Variants in CBLB observed in about 807,000 individuals in gnomAD.
CBLB encodes E3 ubiquitin-protein ligase CBL-B.
CBLB carries 31 observed loss-of-function variants against 104.9 expected under a neutral mutation model. The ratio of observed to expected loss-of-function variants is 0.30; its 90% CI spans 0.22 to 0.40. CBLB has a LOEUF of 0.40. Ranked by LOEUF, CBLB falls within the 10% of genes least tolerant of loss-of-function variation. The pLI, the probability that CBLB is intolerant of heterozygous loss-of-function variation, is 1.00. For synonymous variants in CBLB, 440 were observed against 422.6 expected (o/e 1.04, Z -0.51); for missense variants, 1,062 against 1,214.6 (o/e 0.87, Z 1.87).
chr3:105,664,100 T>G (rs548303347), intron 18 of CBLB, among the ~76,000 whole-genome samples: 1 of 152,278 alleles, frequency 6.6e-6, no homozygotes, highest in African/African-American at 2.4e-5. Context: ...TGGGTTTTCT[T>G]TTTCTATATT....
chr3:105,790,516 G>T (rs1419535202), intron 3 of CBLB, among the ~76,000 whole-genome samples: 6 of 152,064 alleles, frequency 3.9e-5, no homozygotes, highest in Non-Finnish European at 5.9e-5. Context: ...CTTTTTTGAG[G>T]ACCTGCTAAA....
At chr3:105,712,423 A>G (rs1382550960) in intron 10 of CBLB, among the ~76,000 whole-genome samples, 1 of 152,180 alleles carries the variant, frequency 6.6e-6, no homozygotes, top group African/African-American at 2.4e-5. Context: ...CATATAATTC[A>G]GAAATATTTC....
At chr3:105,822,518 T>A (rs916617187) in intron 3 of CBLB, among the ~76,000 whole-genome samples, 1 of 152,206 alleles carries the variant, frequency 6.6e-6, no homozygotes, top group Non-Finnish European at 1.5e-5. Context: ...TTACATTTGC[T>A]GGGAGGTTAT....
At chr3:105,800,157 C>T (rs939960095) in intron 3 of CBLB, among the ~76,000 whole-genome samples, 1 of 152,190 alleles carries the variant, frequency 6.6e-6, no homozygotes, top group Non-Finnish European at 1.5e-5. Context: ...AAAACAGAAG[C>T]GGTGGTCAGT....
At chr3:105,821,097 T>C (rs1411431055) in intron 3 of CBLB, among the ~76,000 whole-genome samples, 3 of 152,308 alleles carry the variant, frequency 2.0e-5, no homozygotes, top group Non-Finnish European at 4.4e-5. Flanking sequence ...AAACATCATA[T>C]TGTTTCTGTT....
At chr3:105,819,639 T>A (rs2085550101) in intron 3 of CBLB, among the ~76,000 whole-genome samples, 1 of 152,208 alleles carries the variant, frequency 6.6e-6, no homozygotes, top group Non-Finnish European at 1.5e-5. Flanking sequence ...AAATGTGATA[T>A]CATCAGAACT....
At chr3:105,700,329 CTATTA>C (rs1185698007) in intron 12 of CBLB, among the ~76,000 whole-genome samples, 1 of 151,880 alleles carries the variant, frequency 6.6e-6, no homozygotes, top group African/African-American at 2.4e-5. Flanking sequence ...GCTATAACAA[CTATTA>C]TATTTCAAGT....
chr3:105,855,537 A>G (rs1482350109), intron 2 of CBLB, among the ~76,000 whole-genome samples: 2 of 152,240 alleles, frequency 1.3e-5, no homozygotes, highest in African/African-American at 2.4e-5. Flanking sequence ...AATATTTTTT[A>G]AATCTGTAAT....
At chr3:105,804,831 T>C (rs564934152) in intron 3 of CBLB, among the ~76,000 whole-genome samples, 48 of 152,264 alleles carry the variant, frequency 3.2e-4, no homozygotes, top group African/African-American at 1.1e-3. Flanking sequence ...ATCCTTGAAT[T>C]CATTTATATA....
intron 9 of CBLB, among the ~76,000 whole-genome samples, chr3:105,721,587 A>G (rs1234682697): frequency 6.6e-6 from 1 of 152,188 alleles, no homozygotes; most frequent in Non-Finnish European, 1.5e-5. Context: ...TGGAATGGTA[A>G]AACAGTTGAA....
chr3:105,731,086 T>C (rs980296458), intron 9 of CBLB, among the ~76,000 whole-genome samples: 6 of 152,180 alleles, frequency 3.9e-5, no homozygotes, highest in African/African-American at 1.4e-4. Context: ...ATTCAAGGAA[T>C]TGATAAGCAA....
intron 17 of CBLB, 94 bp downstream of exon 17, chr3:105,678,337 A>C: frequency 8.1e-7 from 1 of 1,237,164 alleles, no homozygotes; most frequent in Non-Finnish European, 1.2e-6. Context: ...CTAGGGAGGT[A>C]GAGACTAATG....
chr3:105,755,731 A>C lies in CBLB; in HGVS notation c.567-4113T>G, dbSNP rs192108132. The stretch of plus-strand genomic sequence containing the variant: ...ATTTGGAAACAAATTTCAAAAGCCT[A>C]TACATTATGACTAAGAACATCTACT... On this transcript the variant is annotated intron_variant, in intron 4 of 18. Transcript: ENST00000394030. Among the ~76,000 whole-genome samples, 303 of 152,348 alleles carry C rather than the reference A, an allele frequency of 2.0e-3. 2 individuals carry two copies. The highest frequency in any genetic ancestry group is 7.1e-3 in the African/African-American group (294 of 41,590).
intron 15 of CBLB, 36 bp from the exon 16 acceptor site, chr3:105,681,646 T>C (rs1244222005): frequency 1.2e-6 from 2 of 1,613,692 alleles, no homozygotes; most frequent in South Asian, 2.2e-5. Context: ...GTATTTTCAG[T>C]ACAATGGCAT....
At chr3:105,792,239 G>A (rs1350338408) in intron 3 of CBLB, among the ~76,000 whole-genome samples, 2 of 152,090 alleles carry the variant, frequency 1.3e-5, no homozygotes, top group African/African-American at 2.4e-5. Context: ...TCTGCCTCTA[G>A]GTAAAACTAC....
chr3:105,664,918 G>A (rs1559731722), intron 18 of CBLB, among the ~76,000 whole-genome samples: 1 of 152,138 alleles, frequency 6.6e-6, no homozygotes, highest in Admixed American at 6.5e-5. Flanking sequence ...CTGGAGACGT[G>A]AGATGCATGT....
intron 14 of CBLB, 189 bp from the exon 15 acceptor site, chr3:105,682,007 T>A: frequency 1.8e-6 from 1 of 570,228 alleles, no homozygotes; most frequent in Non-Finnish European, 3.1e-6. Flanking sequence ...AGTAAATATC[T>A]CAAGTAACAC....
chr3:105,856,348 CAAAAAAAAAAAAAAAAAAAAGAAAAG>C (rs2091605614), intron 2 of CBLB, among the ~76,000 whole-genome samples: 1 of 31,092 alleles, frequency 3.2e-5, no homozygotes, highest in South Asian at 1.0e-3. Context: ...GACTCCATCT[CAAAAAAAAAAAAAAAAAAAAGAAAAG>C]GAAAAAAAAA....
At chr3:105,661,797 A>G (rs1310588459) in intron 18 of CBLB, among the ~76,000 whole-genome samples, 2 of 152,200 alleles carry the variant, frequency 1.3e-5, no homozygotes, top group East Asian at 1.9e-4. Flanking sequence ...TCTACTTTAT[A>G]TATCTGTGTT....
Sources: gnomAD v4.1 joint callset for allele counts (sites outside exome capture counted in the v4.1 genomes callset) on GRCh38, gnomAD v4.1.1 for gene constraint, MANE v1.5 for transcripts, NCBI Gene and HGNC (gene_info 2026-07-23, HGNC 2026-07-21) for gene names.